The following SAE1 variants were observed in gnomAD, a reference collection of about 807,000 sequenced individuals.
SAE1 encodes the protein SUMO-activating enzyme subunit 1.
Under a neutral mutation model 40.6 loss-of-function variants are expected in SAE1, and 11 were observed. The ratio of observed to expected loss-of-function variants is 0.27; its 90% confidence interval spans 0.17 to 0.45. The LOEUF (loss-of-function observed/expected upper bound fraction) is 0.45. SAE1 is among the 20% of genes least tolerant of loss of function. The pLI is 1.00. For synonymous variants in SAE1, 155 were observed against 154.3 expected, an observed-to-expected ratio of 1.00 and a Z score of -0.03; for missense variants, 373 against 427.3, an observed-to-expected ratio of 0.87 and a Z score of 1.12.
In SAE1 at chr19:47,206,987, G is replaced by A. The variant is rs538988005; in HGVS notation, c.949-2172G>A. Among the ~76,000 whole-genome samples, 26 of 152,328 alleles carry A rather than the reference G, an allele frequency of 1.7e-4. No homozygotes were observed. In the South Asian group the frequency reaches 5.4e-3, roughly 32 times the overall value. ...AATGTCTAGCTGAATACCTGGCATA[G>A]AGTAGATGCTTAATAAATGTTCCCT... is the stretch of plus-strand genomic sequence containing the variant. On this transcript the variant is annotated intron_variant, in intron 8 of 8. Transcript: ENST00000270225.
intron 8 of SAE1, among the ~76,000 whole-genome samples, chr19:47,204,392 G>C (rs1472083635): frequency 6.7e-6 from 1 of 150,320 alleles, no homozygotes; most frequent in East Asian, 2.0e-4. Context: ...TAGAGACAGG[G>C]TTTCACTGTG....
intron 1 of SAE1, among the ~76,000 whole-genome samples, chr19:47,140,771 G>C (rs1160319548): frequency 6.6e-6 from 1 of 152,086 alleles, no homozygotes; most frequent in Non-Finnish European, 1.5e-5. Flanking sequence ...CTTCAATCTG[G>C]GTTCACAGAA....
chr19:47,158,696 A>G (rs770291070), intron 5 of SAE1, among the ~76,000 whole-genome samples: 2 of 152,302 alleles, frequency 1.3e-5, no homozygotes, highest in South Asian at 2.1e-4. Context: ...CAGAATGCCT[A>G]CTGTGTGCAA....
chr19:47,189,551 A>G (rs1367661995), intron 6 of SAE1, among the ~76,000 whole-genome samples: 1 of 151,980 alleles, frequency 6.6e-6, no homozygotes, highest in East Asian at 1.9e-4. Flanking sequence ...ACAGAGCGAG[A>G]CTCTGTCTTA....
At chr19:47,187,581 G>T (rs2058551598) in intron 6 of SAE1, among the ~76,000 whole-genome samples, 1 of 152,130 alleles carries the variant, frequency 6.6e-6, no homozygotes, top group African/African-American at 2.4e-5. Flanking sequence ...GAGTGCAGTG[G>T]TGCAATGTCA....
chr19:47,178,298 G>GA (rs1429836218), intron 6 of SAE1, among the ~76,000 whole-genome samples: 1 of 151,918 alleles, frequency 6.6e-6, no homozygotes, highest in Non-Finnish European at 1.5e-5. Flanking sequence ...GGAAACCGTT[G>GA]AAAAATGCGG....
chr19:47,173,572 G>A (rs748670603), intron 6 of SAE1, among the ~76,000 whole-genome samples: 2 of 152,048 alleles, frequency 1.3e-5, no homozygotes, highest in Non-Finnish European at 2.9e-5. Context: ...CTGACATTCT[G>A]TGCTGGATAA....
At chr19:47,149,163 C>CTTTTTTTT (rs958403274) in intron 2 of SAE1, among the ~76,000 whole-genome samples, 3 of 86,488 alleles carry the variant, frequency 3.5e-5, no homozygotes, top group African/African-American at 4.7e-5. Flanking sequence ...CACTGGTCTA[C>CTTTTTTTT]TTTTTTTTTT....
chr19:47,200,349 C>T (rs144858031), intron 7 of SAE1, among the ~76,000 whole-genome samples: 68 of 150,068 alleles, frequency 4.5e-4, no homozygotes, highest in Non-Finnish European at 8.3e-4. Context: ...ACTCTCATCT[C>T]GGCCTCTTGC....
At chr19:47,136,490 G>A (rs1158599923) in intron 1 of SAE1, among the ~76,000 whole-genome samples, 2 of 128,236 alleles carry the variant, frequency 1.6e-5, no homozygotes, top group Non-Finnish European at 3.2e-5. Context: ...ATTTTTACCC[G>A]AGTCTTTTTT....
At position 47,209,443 on chromosome 19, in the gene SAE1, G is replaced by C; in HGVS notation, c.*192G>C. 1 of 946,924 alleles carries C rather than the reference G, an allele frequency of 1.1e-6. No homozygotes were observed. The highest frequency in any genetic ancestry group is 1.6e-6 in the Non-Finnish European group (1 of 633,128). The allele number at this position is 946,924 out of a possible 1,614,324, so 58.7% of individuals were successfully genotyped here. The stretch of plus-strand genomic sequence containing the variant: ...CACCAGCAGCTGCTCGACAAGGGGC[G>C]CAGGGTGGCTGTCTTTGTTCCAGCA... On this transcript the variant is annotated 3_prime_UTR_variant, in exon 9 of 9. Coordinates refer to ENST00000270225, the MANE Select transcript of SAE1 (RefSeq NM_005500.3).
chr19:47,152,780 G>A (rs982845845), intron 3 of SAE1, 118 bp from the exon 4 acceptor site: 6 of 991,782 alleles, frequency 6.0e-6, no homozygotes, highest in Non-Finnish European at 8.9e-6. Context: ...TGTTGTACCA[G>A]TTTGAAACAT....
intron 6 of SAE1, among the ~76,000 whole-genome samples, chr19:47,178,920 G>A (rs1208272546): frequency 1.3e-5 from 2 of 152,128 alleles, no homozygotes; most frequent in Non-Finnish European, 2.9e-5. Flanking sequence ...CTCACCTGGC[G>A]CGGTGGCTTA....
rs537244001 is a variant in SAE1, at chr19:47,172,030, C to T, written c.733+2107C>T. ...CACCTCCCGGTTCAAACAGTTTCCC[C>T]GCCTCAGCCTCCCGAGTAGCTGGGA... On this transcript the variant is annotated intron_variant, in intron 6 of 8. Coordinates refer to ENST00000270225, the MANE Select transcript of SAE1 (RefSeq NM_005500.3). 3.0e-4 allele frequency among the ~76,000 whole-genome samples: 45 copies of T among 152,138 alleles called. 4 individuals carry two copies. In the South Asian group the frequency reaches 8.1e-3, roughly 27 times the overall value.
At chr19:47,169,776 C>T (rs1277530555) in intron 5 of SAE1, 42 bp from the exon 6 acceptor site, 2 of 1,310,072 alleles carry the variant, frequency 1.5e-6, no homozygotes, top group African/African-American at 1.4e-5. Flanking sequence ...GATTGGAAGC[C>T]AGCATATGTT....
At chr19:47,151,664 G>A (rs1026931986) in intron 3 of SAE1, among the ~76,000 whole-genome samples, 1 of 152,156 alleles carries the variant, frequency 6.6e-6, no homozygotes, top group Non-Finnish European at 1.5e-5. Flanking sequence ...GATCATCTGT[G>A]CATTTGTCCT....
At chr19:47,183,236 A>T (rs2123282475) in intron 6 of SAE1, among the ~76,000 whole-genome samples, 1 of 152,066 alleles carries the variant, frequency 6.6e-6, no homozygotes, top group South Asian at 2.1e-4. Flanking sequence ...CTTTACATGC[A>T]TTGTGATCAT....
In SAE1 at chr19:47,158,704, C is replaced by T. The variant is rs117259389; in HGVS notation, c.627+3491C>T. On this transcript the variant is annotated intron_variant, in intron 5 of 8. Coordinates refer to ENST00000270225, the MANE Select transcript of SAE1 (RefSeq NM_005500.3). ...TGAGTTGCAGAATGCCTACTGTGTG[C>T]AAGGCACTGTGTTGAGTGCAGGGAA... Among the ~76,000 whole-genome samples, 1,473 of 152,322 alleles carry T rather than the reference C, an allele frequency of 9.7e-3. 8 individuals carry two copies. The highest frequency in any genetic ancestry group is 0.016 in the Non-Finnish European group (1,080 of 68,024).
At chr19:47,199,601 C>T (rs772906092) in intron 7 of SAE1, among the ~76,000 whole-genome samples, 10 of 152,032 alleles carry the variant, frequency 6.6e-5, no homozygotes, top group Admixed American at 3.3e-4. Context: ...AGAGCCAGAC[C>T]GTTCATCACT....
Sources: allele counts gnomAD v4.1 joint callset (sites outside exome capture counted in the v4.1 genomes callset), GRCh38; gene constraint gnomAD v4.1.1; transcripts MANE v1.5; gene names NCBI Gene and HGNC (gene_info 2026-07-23, HGNC 2026-07-21).